CSMD1: variants seen among roughly 807,000 people sequenced by gnomAD.
The protein encoded by CSMD1 is CUB and Sushi multiple domains 1.
In CSMD1, 213 loss-of-function variants were observed where a neutral mutation model predicts 417.5. The ratio of observed to expected loss-of-function variants is 0.51; its 90% confidence interval spans 0.46 to 0.57. CSMD1 has a LOEUF of 0.57. Among genes scored for constraint, CSMD1 ranks in the 20% least tolerant of loss-of-function variants. The pLI is 0.00. For missense variants in CSMD1, 6,923 were observed against 4,529.7 expected (o/e 1.53, Z -15.17); for synonymous variants, 2,862 against 1,736.8 (o/e 1.65, Z -16.11).
chr8:4,599,474 A>C (rs753811976), intron 2 of CSMD1, among the ~76,000 whole-genome samples: 1 of 152,126 alleles, frequency 6.6e-6, no homozygotes, highest in Non-Finnish European at 1.5e-5. Flanking sequence ...TGGAAGCTCA[A>C]ATTTGAGTGG....
chr8:4,990,368 C>CTT (rs1414850902), intron 1 of CSMD1, among the ~76,000 whole-genome samples: 2 of 68,824 alleles, frequency 2.9e-5, no homozygotes, highest in African/African-American at 2.4e-4. Context: ...AAGGGGTTCA[C>CTT]ATTTTTTTTT....
intron 1 of CSMD1, among the ~76,000 whole-genome samples, chr8:4,816,936 G>C (rs780654829): frequency 2.6e-5 from 4 of 152,116 alleles, no homozygotes; most frequent in Non-Finnish European, 5.9e-5. Context: ...CTGCCAGAAA[G>C]GGAATTGCAT....
chr8:4,069,602 C>T (rs919599342), intron 3 of CSMD1, among the ~76,000 whole-genome samples: 8 of 152,190 alleles, frequency 5.3e-5, no homozygotes, highest in African/African-American at 1.7e-4. Flanking sequence ...GTGGCCACAG[C>T]GTAATACCAT....
In CSMD1 at chr8:4,778,415, C is replaced by G. The variant is rs572285862; in HGVS notation, c.86-140857G>C. ...CTTTCAATTTATTGATTCTAGAGCTCCGGTGGTAATTTGAAGTACCTGGAC... is the reference window on the plus strand; with the variant it reads ...CTTTCAATTTATTGATTCTAGAGCTGCGGTGGTAATTTGAAGTACCTGGAC... On this transcript the variant is annotated intron_variant, in intron 1 of 69. Coordinates refer to ENST00000635120, the MANE Select transcript of CSMD1 (RefSeq NM_033225.6). Among the ~76,000 whole-genome samples, 7 of 152,214 alleles carry G rather than the reference C, an allele frequency of 4.6e-5. No homozygotes were observed. In the East Asian group the frequency reaches 1.4e-3, roughly 29 times the overall value.
chr8:3,091,498 T>C lies in CSMD1; in HGVS notation c.7285+18A>G. The C allele has an allele frequency of 6.4e-7, 1 of 1,574,026 alleles. No individual in the cohort carries two copies. The highest frequency in any genetic ancestry group is 1.2e-5 in the South Asian group (1 of 83,932). ...TTTTAAAATACTTTCATATAAAATC[T>C]AAACCTCATTTACTTACCTGCATAG... On this transcript the variant is annotated intron_variant, in intron 48 of 69. Transcript: ENST00000635120.
At chr8:3,526,588 G>C (rs1467463208) in intron 10 of CSMD1, among the ~76,000 whole-genome samples, 1 of 152,134 alleles carries the variant, frequency 6.6e-6, no homozygotes, top group East Asian at 1.9e-4. Context: ...GTTTATTCTA[G>C]GGCAATGTGT....
intron 5 of CSMD1, among the ~76,000 whole-genome samples, chr8:3,966,682 C>T (rs545833032): frequency 1.3e-4 from 20 of 152,116 alleles, no homozygotes; most frequent in African/African-American, 4.8e-4. Context: ...ATGCTATCTG[C>T]CACCACAGCG....
At chr8:4,777,421 C>T (rs1423935470) in intron 1 of CSMD1, among the ~76,000 whole-genome samples, 2 of 152,166 alleles carry the variant, frequency 1.3e-5, no homozygotes, top group Non-Finnish European at 2.9e-5. Context: ...CTCAAAAGAA[C>T]ATTCTCCCTT....
chr8:3,036,961 C>T (rs1251888855), intron 50 of CSMD1, among the ~76,000 whole-genome samples: 1 of 152,134 alleles, frequency 6.6e-6, no homozygotes, highest in African/African-American at 2.4e-5. Context: ...TCTTTTATCC[C>T]TCACCCATCT....
At chr8:3,950,316 C>T (rs1263703841) in intron 5 of CSMD1, among the ~76,000 whole-genome samples, 2 of 152,126 alleles carry the variant, frequency 1.3e-5, no homozygotes, top group Admixed American at 6.5e-5. Context: ...TTGATAGTTT[C>T]CAAGTAGAAA....
intron 5 of CSMD1, among the ~76,000 whole-genome samples, chr8:3,966,378 C>T (rs1047020652): frequency 1.2e-4 from 19 of 152,044 alleles, no homozygotes; most frequent in Non-Finnish European, 1.8e-4. Context: ...CCAAGTCTTG[C>T]GTCTTGAAAA....
At chr8:3,443,869 A>C (rs922655245) in intron 12 of CSMD1, among the ~76,000 whole-genome samples, 1 of 152,214 alleles carries the variant, frequency 6.6e-6, no homozygotes, top group Admixed American at 6.5e-5. Context: ...TATTGCTTTC[A>C]AATTTTTCAC....
chr8:4,026,843 C>T (rs1397833424), intron 4 of CSMD1, among the ~76,000 whole-genome samples: 1 of 152,152 alleles, frequency 6.6e-6, no homozygotes, highest in Non-Finnish European at 1.5e-5. Context: ...GACTCTGTGG[C>T]AGTGTAAAAA....
At chr8:3,782,854 T>A (rs953581411) in intron 5 of CSMD1, among the ~76,000 whole-genome samples, 6 of 152,196 alleles carry the variant, frequency 3.9e-5, no homozygotes, top group Admixed American at 2.6e-4. Context: ...TTTCTTGCCC[T>A]AGCTCGCCTG....
At chr8:4,545,609 A>G (rs1797591953) in intron 2 of CSMD1, among the ~76,000 whole-genome samples, 1 of 152,188 alleles carries the variant, frequency 6.6e-6, no homozygotes, top group Admixed American at 6.5e-5. Flanking sequence ...CCCTGGCTAG[A>G]GAAAAAGTGG....
At chr8:3,722,972 A>G (rs2129045055) in intron 6 of CSMD1, among the ~76,000 whole-genome samples, 1 of 152,332 alleles carries the variant, frequency 6.6e-6, no homozygotes, top group Admixed American at 6.5e-5. Context: ...AGCTTAAAGC[A>G]GCATTTTATC....
At chr8:3,299,424 C>T (rs542165378) in intron 25 of CSMD1, among the ~76,000 whole-genome samples, 4 of 152,222 alleles carry the variant, frequency 2.6e-5, no homozygotes, top group African/African-American at 9.6e-5. Context: ...TGCACTCCAG[C>T]CTGGGGGACA....
chr8:3,305,029 GGAC>G (rs1191940379), intron 25 of CSMD1, among the ~76,000 whole-genome samples: 3 of 152,156 alleles, frequency 2.0e-5, no homozygotes, highest in Non-Finnish European at 4.4e-5. Context: ...TCAAAGTTAA[GGAC>G]TAATATTTAA....
intron 1 of CSMD1, among the ~76,000 whole-genome samples, chr8:4,748,804 C>G (rs1811119506): frequency 6.6e-6 from 1 of 152,220 alleles, no homozygotes; most frequent in Non-Finnish European, 1.5e-5. Flanking sequence ...GTTAGCATCA[C>G]CATTGTGAAC....
Sources: gnomAD v4.1 joint callset for allele counts (sites outside exome capture counted in the v4.1 genomes callset) on GRCh38, gnomAD v4.1.1 for gene constraint, MANE v1.5 for transcripts, NCBI Gene and HGNC (gene_info 2026-07-23, HGNC 2026-07-21) for gene names.